GATB: variants seen among roughly 807,000 people sequenced by gnomAD.
GATB encodes glutamyl-tRNA(Gln) amidotransferase subunit B, mitochondrial.
GATB carries 39 observed loss-of-function variants against 62.3 expected under a neutral mutation model. The ratio of observed to expected loss-of-function variants is 0.63; its 90% CI spans 0.48 to 0.82. GATB has a LOEUF of 0.82. GATB is among the 40% of genes least tolerant of loss of function. The pLI is 0.00. For missense variants in GATB, 670 were observed against 684.0 expected (o/e 0.98, Z 0.23); for synonymous variants, 276 against 258.9 (o/e 1.07, Z -0.63).
At chr4:151,721,545 C>T (rs1166092839) in intron 2 of GATB, 2 of 152,312 alleles carry the variant, frequency 1.3e-5, no homozygotes, top group African/African-American at 4.8e-5. Flanking sequence ...AAATCCAAGC[C>T]TGATGATTCG....
chr4:151,685,286 C>G (rs2126958834), intron 10 of GATB, among the ~76,000 whole-genome samples: 1 of 152,312 alleles, frequency 6.6e-6, no homozygotes, highest in African/African-American at 2.4e-5. Flanking sequence ...GGAAGCATCC[C>G]ATTCTGCCTT....
intron 9 of GATB, among the ~76,000 whole-genome samples, chr4:151,690,865 T>C (rs1410837863): frequency 6.6e-6 from 1 of 152,120 alleles, no homozygotes; most frequent in African/African-American, 2.4e-5. Context: ...GTGGTGGTGA[T>C]GGGGTGAGCT....
At chr4:151,682,720 C>G (rs528223174) in intron 10 of GATB, among the ~76,000 whole-genome samples, 4 of 152,176 alleles carry the variant, frequency 2.6e-5, no homozygotes, top group African/African-American at 9.6e-5. Context: ...CTGTCTGTCC[C>G]AATCCCCCAG....
At position 151,731,688 on chromosome 4, in the gene GATB, G is replaced by A. The variant is rs1453224153; in HGVS notation, c.328-12150C>T. ...AAGTGAGGAGCGTCTCTGCCCGGCC[G>A]CCCATCGTCTGAGATGTGGGGAGCG... On this transcript the variant is annotated intron_variant, in intron 2 of 12. Transcript: ENST00000263985. 4.0e-5 allele frequency among the ~76,000 whole-genome samples: 6 copies of A among 150,968 alleles called. No individual in the cohort carries two copies. The East Asian group carries it at 7.9e-4, about 20-fold the overall frequency.
Position 151,701,350 on chromosome 4 carries a change from C to T in GATB, c.1176G>A (p.Leu392=). The change falls in exon 9 of 13, where the codon CTG becomes CTA. Residue 392 remains leucine (L), a synonymous_variant. Transcript: ENST00000263985. ...CTACCAGCAAAGTGAAGCTGTGTTC[C>T]AGCAGCATCCCATACTGTTGGACAA... ...EKLVQQYGML[L]EHSFTLLNEV... 6.4e-7 allele frequency: 1 copy of T among 1,564,832 alleles called. No individual in the cohort carries two copies. Among genetic ancestry groups the T allele is most frequent in the Non-Finnish European group, 8.7e-7 (1 of 1,154,846 alleles).
intron 5 of GATB, among the ~76,000 whole-genome samples, chr4:151,710,692 T>G (rs574662319): frequency 1.3e-5 from 2 of 152,332 alleles, no homozygotes; most frequent in South Asian, 4.1e-4. Flanking sequence ...TAGCTCAGCT[T>G]CTGCTGCCTT....
chr4:151,751,333 T>C (rs1214319817), intron 2 of GATB, among the ~76,000 whole-genome samples: 1 of 152,238 alleles, frequency 6.6e-6, no homozygotes, highest in Non-Finnish European at 1.5e-5. Context: ...TTTTTAAAAA[T>C]GCTTTTGACT....
intron 11 of GATB, among the ~76,000 whole-genome samples, chr4:151,678,916 G>A (rs1183407957): frequency 1.3e-5 from 2 of 151,984 alleles, no homozygotes; most frequent in African/African-American, 2.4e-5. Flanking sequence ...TTTTTGAGAC[G>A]GAGTCTCGCT....
intron 2 of GATB, among the ~76,000 whole-genome samples, chr4:151,741,057 A>C (rs1739475155): frequency 6.6e-6 from 1 of 152,088 alleles, no homozygotes; most frequent in Non-Finnish European, 1.5e-5. Flanking sequence ...CCCCTTATCC[A>C]TGAGGGATAG....
chr4:151,702,418 G>A (rs1176092025), intron 8 of GATB, among the ~76,000 whole-genome samples: 1 of 152,200 alleles, frequency 6.6e-6, no homozygotes, highest in Admixed American at 6.5e-5. Context: ...GTGACACGAT[G>A]GTGGATGCAT....
chr4:151,686,984 T>G (rs972657865), intron 10 of GATB: 1 of 152,334 alleles, frequency 6.6e-6, no homozygotes, highest in African/African-American at 2.4e-5. Flanking sequence ...CTGCTCATCC[T>G]CTCCTCAGGT....
chr4:151,706,851 G>A (rs1738725441), intron 6 of GATB, among the ~76,000 whole-genome samples: 1 of 152,170 alleles, frequency 6.6e-6, no homozygotes, highest in South Asian at 2.1e-4. Flanking sequence ...CCTTGAAGGG[G>A]TGCACTTCAA....
At chr4:151,755,570 T>A (rs1739810949) in intron 2 of GATB, among the ~76,000 whole-genome samples, 1 of 152,256 alleles carries the variant, frequency 6.6e-6, no homozygotes, top group Non-Finnish European at 1.5e-5. Context: ...TAGCTGTTTT[T>A]TCTTGCTTTT....
chr4:151,732,963 C>A (rs993704966), intron 2 of GATB, among the ~76,000 whole-genome samples: 9 of 151,840 alleles, frequency 5.9e-5, no homozygotes, highest in African/African-American at 9.7e-5. Context: ...TGGGATACAG[C>A]TAAGAAGGTG....
chr4:151,679,799 G>A lies in GATB; in HGVS notation c.1410+14C>T. On this transcript the variant is annotated intron_variant, in intron 11 of 12. Coordinates refer to ENST00000263985, the MANE Select transcript of GATB (RefSeq NM_004564.3). Reference sequence around the variant, plus strand: ...CAGTAGCACAGTCAGAAGCTGTCGGGAGTGTGGACATACCTGTTTAGCTGC... The same window carrying A: ...CAGTAGCACAGTCAGAAGCTGTCGGAAGTGTGGACATACCTGTTTAGCTGC... 6.2e-7 allele frequency: 1 copy of A among 1,609,224 alleles called. No individual in the cohort carries two copies. The highest frequency in any genetic ancestry group is 8.5e-7 in the Non-Finnish European group (1 of 1,175,516).
chr4:151,722,260 G>C (rs1739046685), intron 2 of GATB: 1 of 700,934 alleles, frequency 1.4e-6, no homozygotes, highest in South Asian at 1.5e-5. Flanking sequence ...CTAAACTTTA[G>C]GGGTACATAG....
intron 9 of GATB, among the ~76,000 whole-genome samples, chr4:151,690,061 T>G (rs1389505144): frequency 6.6e-6 from 1 of 152,224 alleles, no homozygotes; most frequent in Non-Finnish European, 1.5e-5. Context: ...AAGTTCACAC[T>G]GCACCTAAGG....
At position 151,671,254 on chromosome 4, in the gene GATB, C is replaced by T; in HGVS notation, c.1594G>A (p.Gly532Arg). ...RNPRAINKLI[G>R]LVRKATQSRA... ...CTTTGAGTCGCTTTCCGGACCAACC[C>T]AATCAGTTTATTTATAGCTCTGGGG... The change falls in exon 13 of 13, where the codon GGG (glycine) becomes AGG (arginine). Residue 532 changes from glycine to arginine, a missense_variant. Gly to Arg is a moderately radical substitution (Grantham distance 125). Coordinates refer to ENST00000263985, the MANE Select transcript of GATB (RefSeq NM_004564.3). 1 of 1,613,960 alleles carries T rather than the reference C, an allele frequency of 6.2e-7. No individual in the cohort carries two copies. Among genetic ancestry groups the T allele is most frequent in the Non-Finnish European group, 8.5e-7 (1 of 1,179,870 alleles).
chr4:151,685,557 C>A (rs1298531323), intron 10 of GATB, among the ~76,000 whole-genome samples: 1 of 152,178 alleles, frequency 6.6e-6, no homozygotes, highest in Non-Finnish European at 1.5e-5. Context: ...CATTCCAGTT[C>A]TTTGCTGTTC....
Sources: gnomAD v4.1 joint callset for allele counts (sites outside exome capture counted in the v4.1 genomes callset) on GRCh38, gnomAD v4.1.1 for gene constraint, MANE v1.5 for transcripts, NCBI Gene and HGNC (gene_info 2026-07-23, HGNC 2026-07-21) for gene names.